ZNF609: variants seen among roughly 807,000 people sequenced by gnomAD.
ZNF609 encodes the protein zinc finger protein 609.
In ZNF609, 11 loss-of-function variants were observed where a neutral mutation model predicts 109.5. The observed-to-expected ratio is 0.10, with a 90% CI of 0.06 to 0.17. The LOEUF is 0.17. Ranked by LOEUF, ZNF609 falls within the 10% of genes least tolerant of loss-of-function variation. The pLI is 1.00. For missense variants in ZNF609, 1,559 were observed against 1,772.4 expected, an observed-to-expected ratio of 0.88 and a Z score of 2.16; for synonymous variants, 646 against 662.0, an observed-to-expected ratio of 0.98 and a Z score of 0.37.
intron 2 of ZNF609, among the ~76,000 whole-genome samples, chr15:64,539,598 G>T (rs1015482976): frequency 3.9e-5 from 6 of 152,038 alleles, no homozygotes; most frequent in African/African-American, 1.4e-4. Context: ...CCGACTCCCC[G>T]GTTCAAGCGA....
chr15:64,571,224 G>T (rs1817471070), intron 2 of ZNF609, among the ~76,000 whole-genome samples: 2 of 152,154 alleles, frequency 1.3e-5, no homozygotes, highest in African/African-American at 4.8e-5. Flanking sequence ...TTTGGGTATA[G>T]ATCCCTCAGC....
chr15:64,640,038 G>A (rs1158778538), intron 3 of ZNF609, among the ~76,000 whole-genome samples: 1 of 152,092 alleles, frequency 6.6e-6, no homozygotes, highest in Non-Finnish European at 1.5e-5. Context: ...TCTTGTCTCA[G>A]CCTCCTGAGT....
chr15:64,618,450 C>T (rs1595741061), intron 2 of ZNF609, among the ~76,000 whole-genome samples: 1 of 152,080 alleles, frequency 6.6e-6, no homozygotes, highest in South Asian at 2.1e-4. Context: ...TGTCCTTAGG[C>T]GGCTTGTGTT....
At chr15:64,611,177 T>A (rs1026760035) in intron 2 of ZNF609, among the ~76,000 whole-genome samples, 1 of 152,184 alleles carries the variant, frequency 6.6e-6, no homozygotes, top group African/African-American at 2.4e-5. Context: ...CAAATCCTAA[T>A]GCTTACCTTG....
At chr15:64,489,788 A>G (rs951528115) in intron 1 of ZNF609, among the ~76,000 whole-genome samples, 1 of 152,046 alleles carries the variant, frequency 6.6e-6, no homozygotes, top group African/African-American at 2.4e-5. Context: ...TCGGCCTCCC[A>G]AAGTGCTGGG....
chr15:64,658,408 A>C (rs911654773), intron 3 of ZNF609, among the ~76,000 whole-genome samples: 2 of 151,922 alleles, frequency 1.3e-5, no homozygotes, highest in African/African-American at 4.8e-5. Flanking sequence ...TGTTGATCAG[A>C]TTGGTCTCGA....
At chr15:64,603,013 G>A (rs1268196555) in intron 2 of ZNF609, among the ~76,000 whole-genome samples, 2 of 147,210 alleles carry the variant, frequency 1.4e-5, no homozygotes, top group Admixed American at 7.1e-5. Flanking sequence ...CCAAAGTGCT[G>A]GGATTACAGG....
chr15:64,625,934 TATAGAGAGAGAGAG>T (rs1236490599), intron 3 of ZNF609, among the ~76,000 whole-genome samples: 11,595 of 70,790 alleles, frequency 0.16, 627 homozygotes, highest in East Asian at 0.4. Flanking sequence ...TATATATATA[TATAGAGAGAGAGAG>T]AGAGAGAGAG....
At position 64,499,879 on chromosome 15, in the gene ZNF609, G is replaced by A; in HGVS notation, c.460G>A (p.Ala154Thr). The change falls in exon 2 of 10, where the codon GCC becomes ACC. Residue 154 changes from alanine (A) to threonine (T), a missense_variant. Around this residue, in one of 4 missense-constraint regions of ZNF609, gnomAD observed 291 missense variants for 317.8 expected, o/e 0.92. Coordinates refer to ENST00000326648, the MANE Select transcript of ZNF609 (RefSeq NM_015042.2). ...EKAAKASRSVAGSKKEKENSS... is the reference protein window; with the variant it reads ...EKAAKASRSVTGSKKEKENSS... ...GGCGGCTAAGGCATCCCGCAGTGTA[G>A]CCGGTTCCAAAAAGGAGAAGGAGAA... The A allele has an allele frequency of 6.2e-7, 1 of 1,614,038 alleles. No individual in the cohort carries two copies. The highest frequency in any genetic ancestry group is 8.5e-7 in the Non-Finnish European group (1 of 1,179,992).
At chr15:64,483,395 C>CT (rs879302050) in intron 1 of ZNF609, among the ~76,000 whole-genome samples, 11 of 149,570 alleles carry the variant, frequency 7.4e-5, no homozygotes, top group Admixed American at 1.3e-4. Flanking sequence ...AGCCTGGCCT[C>CT]TTTTTTTTTG....
intron 3 of ZNF609, chr15:64,631,582 G>T: frequency 2.1e-6 from 1 of 470,364 alleles, no homozygotes; most frequent in South Asian, 2.0e-5. Context: ...GCCCAGGCTG[G>T]AGTGCAATGG....
upstream of ZNF609, among the ~76,000 whole-genome samples, chr15:64,459,917 A>G (rs1397478548): frequency 2.0e-5 from 3 of 152,154 alleles, no homozygotes; most frequent in African/African-American, 7.2e-5. Context: ...TGGGTTGGAG[A>G]AGGACAGAAT....
chr15:64,466,466 A>G (rs2140327244), intron 1 of ZNF609, among the ~76,000 whole-genome samples: 1 of 152,336 alleles, frequency 6.6e-6, no homozygotes, highest in South Asian at 2.1e-4. Context: ...AATGAGCCAT[A>G]TGAACTGTTT....
At chr15:64,529,136 G>T in intron 2 of ZNF609, 1 of 754,144 alleles carries the variant, frequency 1.3e-6, no homozygotes, top group Non-Finnish European at 2.4e-6. Context: ...GTGATGGTGT[G>T]AACTGTGGTC....
chr15:64,671,071 G>T (rs374458395), intron 4 of ZNF609, among the ~76,000 whole-genome samples: 1 of 150,972 alleles, frequency 6.6e-6, no homozygotes, highest in South Asian at 2.1e-4. Context: ...TTAGCCGGGC[G>T]TGGTGGCGAG....
chr15:64,650,113 CAA>C (rs546871709), intron 3 of ZNF609, among the ~76,000 whole-genome samples: 24 of 85,358 alleles, frequency 2.8e-4, no homozygotes, highest in Admixed American at 2.7e-4. Flanking sequence ...GAACCCATCT[CAA>C]AAAAAAAAAA....
intron 2 of ZNF609, chr15:64,528,729 T>C: frequency 9.5e-7 from 1 of 1,057,416 alleles, no homozygotes; most frequent in Non-Finnish European, 1.4e-6. Context: ...CCAAATTCAT[T>C]GTCATACCAG....
Position 64,490,269 on chromosome 15 carries a change from G to GTT in ZNF609, c.-127-9023_-127-9022dup, listed in dbSNP as rs1398055637. Among the ~76,000 whole-genome samples the GTT allele has an allele frequency of 3.0e-4, 5 of 16,698 alleles. 1 individual carries two copies. The highest frequency in any genetic ancestry group is 1.1e-3 in the Non-Finnish European group (3 of 2,706). The allele number at this position is 16,698 out of a possible 152,430, so 11.0% of individuals were successfully genotyped here. A position where few individuals can be genotyped will look rare whatever the true frequency, so the allele number is the denominator to read the frequency against. ...CATAAGCCACTGCACCCGGCCAGTA[G>GTT]TTGTTTTTTTTTTTTTTTTTCGAGA... On this transcript the variant is annotated intron_variant, in intron 1 of 9. Transcript: ENST00000326648.
intron 2 of ZNF609, among the ~76,000 whole-genome samples, chr15:64,595,360 C>CAAA (rs923203042): frequency 1.6e-4 from 12 of 76,792 alleles, no homozygotes; most frequent in African/African-American, 4.0e-4. Context: ...GATTCCGTCT[C>CAAA]AAAAAAAAAA....
Sources: allele counts gnomAD v4.1 joint callset (sites outside exome capture counted in the v4.1 genomes callset), GRCh38; gene constraint gnomAD v4.1.1; regional missense constraint gnomAD v4.1.1; transcripts MANE v1.5; gene names NCBI Gene and HGNC (gene_info 2026-07-23, HGNC 2026-07-21).